CDH12: variants seen among roughly 807,000 people sequenced by gnomAD.
CDH12 encodes cadherin 12.
Under a neutral mutation model 74.1 loss-of-function variants are expected in CDH12, and 41 were observed. The observed-to-expected ratio is 0.55, with a 90% CI of 0.43 to 0.72. The LOEUF is 0.72. CDH12 is among the 30% of genes least tolerant of loss of function. The pLI is 0.00. For synonymous variants in CDH12, 399 were observed against 355.0 expected (o/e 1.12, Z -1.39); for missense variants, 945 against 977.2 (o/e 0.97, Z 0.44).
intron 4 of CDH12, among the ~76,000 whole-genome samples, chr5:22,184,376 T>C (rs1308498755): frequency 6.6e-6 from 1 of 152,192 alleles, no homozygotes; most frequent in Non-Finnish European, 1.5e-5. Context: ...TAGTAAAATG[T>C]ATAACAACAT....
chr5:21,807,455 G>A (rs545863554), intron 9 of CDH12, among the ~76,000 whole-genome samples: 1 of 152,204 alleles, frequency 6.6e-6, no homozygotes, highest in East Asian at 1.9e-4. Flanking sequence ...AGCCCATTGG[G>A]CTATTACAGC....
intron 2 of CDH12, among the ~76,000 whole-genome samples, chr5:22,410,100 G>T (rs979387141): frequency 6.6e-6 from 1 of 151,962 alleles, no homozygotes; most frequent in South Asian, 2.1e-4. Context: ...ATGTTACTTT[G>T]TTGGGGCTCA....
chr5:22,760,200 A>G (rs1309466239), intron 1 of CDH12, among the ~76,000 whole-genome samples: 2 of 152,220 alleles, frequency 1.3e-5, no homozygotes, highest in East Asian at 3.9e-4. Context: ...AGAAGTTGAC[A>G]GCTGACATGT....
At position 22,819,492 on chromosome 5, in the gene CDH12, C is replaced by T. The variant is rs143902606; in HGVS notation, c.-523+33566G>A. 8.8e-3 allele frequency among the ~76,000 whole-genome samples: 1,342 copies of T among 152,160 alleles called. 30 individuals carry two copies. Among genetic ancestry groups the T allele is most frequent in the African/African-American group, 0.031 (1,285 of 41,524 alleles). ...AAGAATTTATTTAAAATATTCTGGG[C>T]TACAACTTCCATTAGACATCCAGAA... On this transcript the variant is annotated intron_variant, in intron 1 of 14. Coordinates refer to ENST00000382254, the MANE Select transcript of CDH12 (RefSeq NM_004061.5).
At chr5:22,382,539 G>A (rs1213459736) in intron 3 of CDH12, among the ~76,000 whole-genome samples, 1 of 151,360 alleles carries the variant, frequency 6.6e-6, no homozygotes, top group African/African-American at 2.4e-5. Context: ...TGTAATACTT[G>A]GCGTATTCGC....
chr5:22,225,982 T>C lies in CDH12; in HGVS notation c.-332-13339A>G, dbSNP rs146441161. Among the ~76,000 whole-genome samples the C allele has an allele frequency of 1.6e-4, 22 of 139,868 alleles. 1 individual carries two copies. The highest frequency in any genetic ancestry group is 5.5e-4 in the African/African-American group (22 of 39,804). The allele number at this position is 139,868 out of a possible 152,430, so 91.8% of individuals were successfully genotyped here. A position where few individuals can be genotyped will look rare whatever the true frequency, so the allele number is the denominator to read the frequency against. ...CAGGAGTATAACATGAAACAGAATA[T>C]GGAATAACAACATCAGACATAGAAT... On this transcript the variant is annotated intron_variant, in intron 3 of 14. Transcript: ENST00000382254.
At chr5:22,587,600 C>A (rs981561420) in intron 1 of CDH12, among the ~76,000 whole-genome samples, 62 of 152,084 alleles carry the variant, frequency 4.1e-4, no homozygotes, top group African/African-American at 1.2e-3. Context: ...AGTGGTGATA[C>A]CAGCTCCCTT....
intron 6 of CDH12, among the ~76,000 whole-genome samples, chr5:21,901,556 C>T (rs1004590922): frequency 7.9e-5 from 12 of 152,216 alleles, no homozygotes; most frequent in African/African-American, 2.7e-4. Flanking sequence ...ACTGGAACTA[C>T]TGCTTCAATG....
In CDH12 at chr5:22,746,961, T is replaced by C. The variant is rs562438785; in HGVS notation, c.-523+106097A>G. 1.2e-4 allele frequency among the ~76,000 whole-genome samples: 18 copies of C among 152,254 alleles called. 1 individual carries two copies. The South Asian group carries it at 3.5e-3, about 30-fold the overall frequency. On this transcript the variant is annotated intron_variant, in intron 1 of 14. Coordinates refer to ENST00000382254, the MANE Select transcript of CDH12 (RefSeq NM_004061.5). ...TCATTGTTAGAAACTTAATCCAAGA[T>C]AAAAACTTTAAAAATTGAGAATGGT... is the stretch of plus-strand genomic sequence containing the variant.
At chr5:22,749,530 C>T (rs1193587570) in intron 1 of CDH12, among the ~76,000 whole-genome samples, 5 of 152,052 alleles carry the variant, frequency 3.3e-5, no homozygotes, top group Admixed American at 3.3e-4. Context: ...TTATAGGTTT[C>T]CTACATAGAG....
chr5:22,513,277 T>C (rs1454563065), intron 1 of CDH12, among the ~76,000 whole-genome samples: 2 of 151,736 alleles, frequency 1.3e-5, no homozygotes, highest in Admixed American at 6.6e-5. Flanking sequence ...TATCTGCAGA[T>C]GGCCAAGTTT....
At chr5:22,009,796 G>A (rs1364886230) in intron 5 of CDH12, among the ~76,000 whole-genome samples, 1 of 151,860 alleles carries the variant, frequency 6.6e-6, no homozygotes, top group African/African-American at 2.4e-5. Flanking sequence ...TGGCCAGCAT[G>A]GCAAAACCTC....
intron 4 of CDH12, among the ~76,000 whole-genome samples, chr5:22,185,566 T>C (rs1749896172): frequency 2.0e-5 from 3 of 152,226 alleles, no homozygotes; most frequent in African/African-American, 7.2e-5. Context: ...CCATTCACAG[T>C]GTGTCCCTTT....
intron 3 of CDH12, among the ~76,000 whole-genome samples, chr5:22,301,482 A>C (rs775833176): frequency 6.6e-6 from 1 of 152,196 alleles, no homozygotes; most frequent in Non-Finnish European, 1.5e-5. Flanking sequence ...AGAAAATAAA[A>C]ACTTGCATTC....
intron 1 of CDH12, among the ~76,000 whole-genome samples, chr5:22,539,037 A>G (rs1235832278): frequency 1.3e-5 from 2 of 152,218 alleles, no homozygotes; most frequent in Non-Finnish European, 2.9e-5. Context: ...CTGGGATTAC[A>G]GGTGCAAGCC....
chr5:21,786,792 T>G (rs1344337737), intron 10 of CDH12, among the ~76,000 whole-genome samples: 2 of 152,126 alleles, frequency 1.3e-5, no homozygotes, highest in Non-Finnish European at 2.9e-5. Context: ...TTAAGAACAT[T>G]GGTGATTCAT....
intron 3 of CDH12, among the ~76,000 whole-genome samples, chr5:22,214,979 C>T (rs1296265574): frequency 2.0e-5 from 3 of 152,046 alleles, no homozygotes; most frequent in Non-Finnish European, 2.9e-5. Flanking sequence ...CAAAATAAGA[C>T]CATTTTGTTG....
intron 1 of CDH12, among the ~76,000 whole-genome samples, chr5:22,827,326 T>C (rs1736390379): frequency 6.6e-6 from 1 of 152,256 alleles, no homozygotes; most frequent in Non-Finnish European, 1.5e-5. Context: ...GGCATAATAG[T>C]ACACCTGGCA....
intron 1 of CDH12, among the ~76,000 whole-genome samples, chr5:22,627,346 G>A (rs1246000139): frequency 6.6e-6 from 1 of 151,590 alleles, no homozygotes; most frequent in Non-Finnish European, 1.5e-5. Flanking sequence ...AGAGCAAAGG[G>A]CAATGTCACC....
Sources: allele counts gnomAD v4.1 joint callset (sites outside exome capture counted in the v4.1 genomes callset), GRCh38; gene constraint gnomAD v4.1.1; transcripts MANE v1.5; gene names NCBI Gene and HGNC (gene_info 2026-07-23, HGNC 2026-07-21).